The following SOX5 variants were observed in gnomAD, a reference collection of about 807,000 sequenced individuals.
SOX5 encodes the protein transcription factor SOX-5.
SOX5 carries 9 observed loss-of-function variants against 92.0 expected under a neutral mutation model. The ratio of observed to expected loss-of-function variants is 0.10; its 90% CI spans 0.06 to 0.17. SOX5 has a LOEUF of 0.17. Among genes scored for constraint, SOX5 ranks in the 10% least tolerant of loss-of-function variants. The pLI is 1.00. For synonymous variants in SOX5, 344 were observed against 336.3 expected, an observed-to-expected ratio of 1.02 and a Z score of -0.25; for missense variants, 642 against 944.5, an observed-to-expected ratio of 0.68 and a Z score of 4.20.
chr12:24,522,934 A>T (rs1348861828), intron 1 of SOX5, among the ~76,000 whole-genome samples: 1 of 151,608 alleles, frequency 6.6e-6, no homozygotes. Context: ...CAACGTAAGG[A>T]AAAAAAAAGA....
chr12:23,879,062 C>T (rs904721353), intron 2 of SOX5, among the ~76,000 whole-genome samples: 1 of 151,998 alleles, frequency 6.6e-6, no homozygotes, highest in South Asian at 2.1e-4. Context: ...ATATCAAATA[C>T]AATATTTATT....
intron 1 of SOX5, among the ~76,000 whole-genome samples, chr12:23,946,376 G>A (rs938087162): frequency 5.3e-5 from 8 of 151,892 alleles, no homozygotes; most frequent in Non-Finnish European, 1.5e-5. Flanking sequence ...ACTGTAACGG[G>A]AAGCTTAGAC....
At chr12:24,429,348 A>G (rs1282124226) in intron 1 of SOX5, among the ~76,000 whole-genome samples, 1 of 151,872 alleles carries the variant, frequency 6.6e-6, no homozygotes, top group Non-Finnish European at 1.5e-5. Flanking sequence ...AACAAAAACA[A>G]AACAACAACA....
intron 2 of SOX5, among the ~76,000 whole-genome samples, chr12:23,863,849 T>G (rs1364948055): frequency 6.9e-6 from 1 of 144,994 alleles, no homozygotes; most frequent in Non-Finnish European, 1.5e-5. Context: ...CACTCTGAAA[T>G]AAAGTATGGT....
chr12:24,401,727 A>C (rs1961707388), intron 1 of SOX5, among the ~76,000 whole-genome samples: 1 of 151,404 alleles, frequency 6.6e-6, no homozygotes, highest in South Asian at 2.1e-4. Context: ...AAAAAAAAAA[A>C]AAAAAAAAAA....
chr12:23,563,522 A>G, intron 10 of SOX5, 119 bp from the exon 11 acceptor site: 1 of 754,720 alleles, frequency 1.3e-6, no homozygotes, highest in Middle Eastern at 2.7e-4. Flanking sequence ...TGATTTCTCC[A>G]TGGAATTTAT....
intron 2 of SOX5, among the ~76,000 whole-genome samples, chr12:24,361,425 C>G (rs960009683): frequency 6.6e-6 from 1 of 152,124 alleles, no homozygotes; most frequent in Non-Finnish European, 1.5e-5. Context: ...ATTTCCTCAG[C>G]TGAAAAAGTG....
intron 3 of SOX5, among the ~76,000 whole-genome samples, chr12:23,803,165 T>C (rs923070732): frequency 1.3e-5 from 2 of 152,208 alleles, no homozygotes; most frequent in African/African-American, 4.8e-5. Context: ...ATGTGAATGG[T>C]TCACTGATTC....
At chr12:23,812,083 A>C (rs2095884497) in intron 3 of SOX5, among the ~76,000 whole-genome samples, 1 of 152,074 alleles carries the variant, frequency 6.6e-6, no homozygotes, top group Admixed American at 6.6e-5. Context: ...GATATTTTTA[A>C]ATCTTGAAGA....
chr12:23,654,441 T>C (rs1008149972), intron 7 of SOX5, among the ~76,000 whole-genome samples: 2 of 152,112 alleles, frequency 1.3e-5, no homozygotes, highest in African/African-American at 4.8e-5. Context: ...CACTTGGTCA[T>C]TGTATCCACT....
chr12:23,951,042 C>T (rs1945550260), upstream of SOX5: 1 of 594,166 alleles, frequency 1.7e-6, no homozygotes, highest in Non-Finnish European at 3.0e-6. Context: ...TGGGAGGGTT[C>T]ATTCTGCACA....
rs1028645121 is a variant in SOX5 at position 24,209,851 on chromosome 12, T to C, written c.-2+3492A>G. On this transcript the variant is annotated intron_variant, in intron 4 of 4. Coordinates refer to the SOX5 transcript ENST00000446891. ...GGCTAAAACGGTGAAACCCCGTCTCTACTAAAAATACAAAAAATTAGCCGG... is the reference window on the plus strand; with the variant it reads ...GGCTAAAACGGTGAAACCCCGTCTCCACTAAAAATACAAAAAATTAGCCGG... Among the ~76,000 whole-genome samples the C allele has an allele frequency of 4.0e-5, 6 of 150,672 alleles. No individual in the cohort carries two copies. In the East Asian group the frequency reaches 9.7e-4, roughly 24 times the overall value.
At chr12:24,148,126 G>C (rs1951261669) in intron 4 of SOX5, among the ~76,000 whole-genome samples, 1 of 152,118 alleles carries the variant, frequency 6.6e-6, no homozygotes, top group South Asian at 2.1e-4. Context: ...AAAATACAAA[G>C]TGTGGTGCAC....
Position 23,781,036 on chromosome 12 carries a change from C to T in SOX5, c.482-25312G>A, listed in dbSNP as rs549506671. On this transcript the variant is annotated intron_variant, in intron 3 of 14. Transcript: ENST00000451604. ...TTTTTATAAAAGATTATTAACCACT[C>T]TTAATACATTTACTGATTTTGGCAG... Among the ~76,000 whole-genome samples, 4 of 152,090 alleles carry T rather than the reference C, an allele frequency of 2.6e-5. 1 individual carries two copies. The South Asian group carries it at 8.3e-4, about 32-fold the overall frequency.
intron 2 of SOX5, among the ~76,000 whole-genome samples, chr12:24,315,578 T>C (rs1949621500): frequency 6.6e-6 from 1 of 152,158 alleles, no homozygotes; most frequent in Non-Finnish European, 1.5e-5. Context: ...AATACATGTG[T>C]AATTATGGCC....
intron 3 of SOX5, among the ~76,000 whole-genome samples, chr12:23,833,229 C>T (rs1594869581): frequency 1.3e-5 from 2 of 151,962 alleles, no homozygotes; most frequent in Admixed American, 1.3e-4. Flanking sequence ...AAGGTCTTAA[C>T]AGGAACGTTA....
chr12:24,201,193 T>C (rs1247999328), intron 4 of SOX5, among the ~76,000 whole-genome samples: 1 of 152,216 alleles, frequency 6.6e-6, no homozygotes, highest in African/African-American at 2.4e-5. Flanking sequence ...TTCTTATATG[T>C]ACTGTAAGAG....
intron 4 of SOX5, among the ~76,000 whole-genome samples, chr12:24,036,270 C>T (rs1473878103): frequency 3.9e-5 from 6 of 152,038 alleles, no homozygotes; most frequent in Admixed American, 3.9e-4. Flanking sequence ...ACCCAGTGAG[C>T]CATTGCCCAG....
chr12:24,339,702 C>T (rs1275773316), intron 2 of SOX5, among the ~76,000 whole-genome samples: 2 of 152,200 alleles, frequency 1.3e-5, no homozygotes, highest in African/African-American at 2.4e-5. Context: ...GTAACTCACA[C>T]TAGAATTACA....
Sources: gnomAD v4.1 joint callset for allele counts (sites outside exome capture counted in the v4.1 genomes callset) on GRCh38, gnomAD v4.1.1 for gene constraint, MANE v1.5 for transcripts, NCBI Gene and HGNC (gene_info 2026-07-23, HGNC 2026-07-21) for gene names.